PPP2R2B: variants seen among roughly 807,000 people sequenced by gnomAD.
The protein encoded by PPP2R2B is serine/threonine-protein phosphatase 2A 55 kDa regulatory subunit B beta isoform.
In PPP2R2B, 5 loss-of-function variants were observed where a neutral mutation model predicts 46.0. The ratio of observed to expected loss-of-function variants is 0.11; its 90% CI spans 0.06 to 0.23. The LOEUF is 0.23. Ranked by LOEUF, PPP2R2B falls within the 10% of genes least tolerant of loss-of-function variation. PPP2R2B has a pLI of 1.00. For synonymous variants in PPP2R2B, 215 were observed against 206.7 expected (o/e 1.04, Z -0.34); for missense variants, 367 against 575.0 (o/e 0.64, Z 3.70).
At chr5:146,657,070 G>A (rs776796774) in intron 5 of PPP2R2B, among the ~76,000 whole-genome samples, 2 of 152,218 alleles carry the variant, frequency 1.3e-5, no homozygotes, top group Non-Finnish European at 2.9e-5. Context: ...CACCTAAGTG[G>A]GGGTTGGCGG....
chr5:147,004,733 A>T (rs1580787064), intron 1 of PPP2R2B, among the ~76,000 whole-genome samples: 1 of 152,140 alleles, frequency 6.6e-6, no homozygotes, highest in East Asian at 1.9e-4. Flanking sequence ...GCATTGGAAG[A>T]AACAAACTCA....
intron 7 of PPP2R2B, among the ~76,000 whole-genome samples, chr5:146,604,500 C>T (rs905786570): frequency 6.6e-6 from 1 of 152,096 alleles, no homozygotes; most frequent in African/African-American, 2.4e-5. Flanking sequence ...ACAAGAAGAG[C>T]TTTGCTCCCT....
intron 7 of PPP2R2B, among the ~76,000 whole-genome samples, chr5:146,626,779 C>A (rs963240317): frequency 1.3e-5 from 2 of 152,188 alleles, no homozygotes; most frequent in Non-Finnish European, 2.9e-5. Context: ...TTGACCTTCA[C>A]TGCTGTCTCA....
chr5:146,926,168 T>G (rs1763775900), intron 1 of PPP2R2B, among the ~76,000 whole-genome samples: 1 of 152,114 alleles, frequency 6.6e-6, no homozygotes, highest in African/African-American at 2.4e-5. Context: ...TTTCTTTTCT[T>G]GAGTATGGGT....
At chr5:146,666,054 TTG>T (rs2151114268) in intron 5 of PPP2R2B, among the ~76,000 whole-genome samples, 1 of 152,332 alleles carries the variant, frequency 6.6e-6, no homozygotes, top group South Asian at 2.1e-4. Flanking sequence ...TATTGTAGCA[TTG>T]TTAGTTATAG....
At chr5:146,768,973 G>A (rs114545856) in intron 2 of PPP2R2B, among the ~76,000 whole-genome samples, 1,679 of 151,928 alleles carry the variant, frequency 0.011, 17 homozygotes, top group Non-Finnish European at 0.015. Context: ...TGCTTCTCAG[G>A]TTCAAGTGAT....
At chr5:147,020,042 T>C (rs1217981156) in intron 1 of PPP2R2B, among the ~76,000 whole-genome samples, 2 of 152,168 alleles carry the variant, frequency 1.3e-5, no homozygotes, top group Admixed American at 1.3e-4. Context: ...CAGAGCTGCA[T>C]TCAACTCTGA....
At chr5:146,619,668 T>C (rs1193972075) in intron 7 of PPP2R2B, among the ~76,000 whole-genome samples, 2 of 152,198 alleles carry the variant, frequency 1.3e-5, no homozygotes, top group African/African-American at 4.8e-5. Context: ...CTGTAAGCTA[T>C]GCAGGCCACA....
At chr5:146,858,614 A>G (rs1760808642) in intron 2 of PPP2R2B, among the ~76,000 whole-genome samples, 1 of 152,184 alleles carries the variant, frequency 6.6e-6, no homozygotes, top group African/African-American at 2.4e-5. Context: ...TCACTAGTAA[A>G]TTAGTGACTA....
Position 147,033,316 on chromosome 5 carries a change from C to T in PPP2R2B, c.79+22349G>A, listed in dbSNP as rs556641836. Among the ~76,000 whole-genome samples the T allele has an allele frequency of 2.4e-4, 37 of 152,226 alleles. No homozygotes were observed. The South Asian group carries it at 7.5e-3, about 31-fold the overall frequency. On this transcript the variant is annotated intron_variant, in intron 1 of 8. Transcript: ENST00000336640. Reference sequence around the variant, plus strand: ...CTCATTCTGTTCTCTTCCCAAAACTCATGGCCTATTTGATGTCACTCCATG... The same window carrying T: ...CTCATTCTGTTCTCTTCCCAAAACTTATGGCCTATTTGATGTCACTCCATG...
At chr5:146,706,678 GC>G in intron 2 of PPP2R2B, 1 of 871,296 alleles carries the variant, frequency 1.1e-6, no homozygotes, top group Non-Finnish European at 1.9e-6. Flanking sequence ...TCAGCCTGGA[GC>G]CAGCTGATGT....
chr5:146,901,477 G>T (rs1166505407), intron 1 of PPP2R2B, among the ~76,000 whole-genome samples: 1 of 151,970 alleles, frequency 6.6e-6, no homozygotes, highest in African/African-American at 2.4e-5. Context: ...CTCCAGCCTG[G>T]GTGACAGAGT....
chr5:146,931,450 GT>G (rs1763967118), intron 1 of PPP2R2B, among the ~76,000 whole-genome samples: 1 of 152,116 alleles, frequency 6.6e-6, no homozygotes, highest in Admixed American at 6.6e-5. Context: ...GGGCAGTGCT[GT>G]TTTGATCAAC....
rs796845032 is a variant in PPP2R2B, at chr5:146,844,169, C to T, written c.70+33833G>A. On this transcript the variant is annotated intron_variant, in intron 2 of 9. Transcript: ENST00000394411. ...ATTGAACAATGAGATCACATGGACA[C>T]AGGAAGGGGAATATCACACTCTGGG... 3.4e-5 allele frequency among the ~76,000 whole-genome samples: 4 copies of T among 118,678 alleles called. No homozygotes were observed. The South Asian group carries it at 1.0e-3, about 30-fold the overall frequency. 77.9% of individuals were successfully genotyped at this position (118,678 alleles called of 152,430 possible).
At chr5:146,886,209 G>A (rs896109580) in intron 1 of PPP2R2B, among the ~76,000 whole-genome samples, 18 of 151,832 alleles carry the variant, frequency 1.2e-4, no homozygotes, top group Non-Finnish European at 2.1e-4. Context: ...CGTGGTGGCG[G>A]GCCCCTGTAG....
At position 146,587,270 on chromosome 5, in the gene PPP2R2B, G is replaced by T. The variant is rs181712253; in HGVS notation, c.*2677C>A. 4 of 152,332 alleles carry T rather than the reference G, an allele frequency of 2.6e-5. No individual in the cohort carries two copies. The highest frequency in any genetic ancestry group is 9.6e-5 in the African/African-American group (4 of 41,564). The allele number at this position is 152,332 out of a possible 1,614,324, so 9.4% of individuals were successfully genotyped here. A position where few individuals can be genotyped will look rare whatever the true frequency, so the allele number is the denominator to read the frequency against. ...AAGAACAGTTAATTTGTGAAACATC[G>T]TGGTGGTTATTGCTCCCTGAGGCCT... On this transcript the variant is annotated 3_prime_UTR_variant, in exon 10 of 10. Transcript: ENST00000394411.
At chr5:146,762,935 C>T (rs752392183) in intron 2 of PPP2R2B, among the ~76,000 whole-genome samples, 3 of 152,156 alleles carry the variant, frequency 2.0e-5, no homozygotes, top group Non-Finnish European at 4.4e-5. Flanking sequence ...CATCTGACTA[C>T]GGTCACTTTG....
intron 2 of PPP2R2B, among the ~76,000 whole-genome samples, chr5:146,865,298 ACACACAC>A (rs1761244814): frequency 1.4e-4 from 8 of 55,580 alleles, no homozygotes; most frequent in African/African-American, 5.2e-4. Context: ...TCTCTGACAC[ACACACAC>A]ACACACACAC....
At chr5:146,707,145 C>G (rs1779913466) in intron 2 of PPP2R2B, 1 of 1,597,278 alleles carries the variant, frequency 6.3e-7, no homozygotes, top group Non-Finnish European at 8.5e-7. Context: ...TCAGCTTCTC[C>G]TGGCCCAGAG....
Sources: gnomAD v4.1 joint callset for allele counts (sites outside exome capture counted in the v4.1 genomes callset) on GRCh38, gnomAD v4.1.1 for gene constraint, MANE v1.5 for transcripts, NCBI Gene and HGNC (gene_info 2026-07-23, HGNC 2026-07-21) for gene names.